The following IGF1 variants were observed in gnomAD, a reference collection of about 807,000 sequenced individuals.
IGF1 encodes the protein insulin-like growth factor 1.
Under a neutral mutation model 13.8 loss-of-function variants are expected in IGF1, and 4 were observed. The ratio of observed to expected loss-of-function variants is 0.29; its 90% CI spans 0.14 to 0.66. IGF1 has a LOEUF of 0.66. Among genes scored for constraint, IGF1 ranks in the 30% least tolerant of loss-of-function variants. The pLI, the probability that IGF1 is intolerant of heterozygous loss-of-function variation, is 0.78. For missense variants in IGF1, 124 were observed against 188.5 expected, an observed-to-expected ratio of 0.66 and a Z score of 2.00; for synonymous variants, 76 against 72.6, an observed-to-expected ratio of 1.05 and a Z score of -0.23.
chr12:102,478,468 G>C, intron 1 of IGF1: 2 of 1,581,862 alleles, frequency 1.3e-6, no homozygotes, highest in Non-Finnish European at 1.7e-6. Flanking sequence ...GAGGGCAACA[G>C]TCATAAGAAA....
chr12:102,441,879 C>G (rs1233768670), intron 2 of IGF1, among the ~76,000 whole-genome samples: 1 of 108,890 alleles, frequency 9.2e-6, no homozygotes, highest in Non-Finnish European at 2.0e-5. Flanking sequence ...TCAAGACTTT[C>G]TGAGCACTAA....
At chr12:102,409,105 G>C (rs925946630) in intron 3 of IGF1, among the ~76,000 whole-genome samples, 1 of 152,138 alleles carries the variant, frequency 6.6e-6, no homozygotes, top group Admixed American at 6.6e-5. Context: ...TGAAAGTGTG[G>C]GGTAAGAGCA....
intron 2 of IGF1, among the ~76,000 whole-genome samples, chr12:102,457,896 G>A (rs771102666): frequency 1.3e-5 from 2 of 152,156 alleles, no homozygotes; most frequent in African/African-American, 4.8e-5. Flanking sequence ...ATGAACGTTA[G>A]TTTTCTGCTC....
rs1233394486 is a variant in IGF1, at chr12:102,399,302, C to T, written c.*3205G>A. 1 of 152,472 alleles carries T rather than the reference C, an allele frequency of 6.6e-6. No individual in the cohort carries two copies. Among genetic ancestry groups the T allele is most frequent in the Non-Finnish European group, 1.5e-5 (1 of 67,988 alleles). The allele number at this position is 152,472 out of a possible 1,614,324, so 9.4% of individuals were successfully genotyped here. On this transcript the variant is annotated 3_prime_UTR_variant, in exon 4 of 4. Transcript: ENST00000337514. ...TGGGGAAGAGAGAACAGAAATTTGA[C>T]CTAAGTATCCAGTATGGTCAATTAA...
At chr12:102,445,416 G>A (rs531181722) in intron 2 of IGF1, among the ~76,000 whole-genome samples, 2 of 152,288 alleles carry the variant, frequency 1.3e-5, no homozygotes, top group East Asian at 3.9e-4. Flanking sequence ...ATTACCTTGA[G>A]CAGTGGTTTG....
chr12:102,444,105 G>A (rs747402037), intron 2 of IGF1, among the ~76,000 whole-genome samples: 30 of 151,988 alleles, frequency 2.0e-4, no homozygotes, highest in Non-Finnish European at 3.2e-4. Context: ...GAGATTACAG[G>A]CATGAGCCAC....
At chr12:102,441,319 A>C (rs1047690787) in intron 2 of IGF1, among the ~76,000 whole-genome samples, 3 of 151,768 alleles carry the variant, frequency 2.0e-5, no homozygotes, top group Admixed American at 1.3e-4. Flanking sequence ...ACTCCTTTCT[A>C]CTCCTTTAAC....
At chr12:102,450,722 A>C (rs368257113) in intron 2 of IGF1, among the ~76,000 whole-genome samples, 1 of 152,226 alleles carries the variant, frequency 6.6e-6, no homozygotes, top group Non-Finnish European at 1.5e-5. Context: ...CAATATCTAC[A>C]TGCTGTTTGT....
At position 102,397,180 on chromosome 12, in the gene IGF1, G is replaced by A; in HGVS notation, c.*5327C>T. The A allele has an allele frequency of 4.3e-6, 1 of 233,432 alleles. No individual in the cohort carries two copies. Among genetic ancestry groups the A allele is most frequent in the Admixed American group, 5.6e-5 (1 of 17,792 alleles). 14.5% of individuals were successfully genotyped at this position (233,432 alleles called of 1,614,324 possible). ...TCATGCCACTGCACTCCAGCCTGGG[G>A]GACAGTGCGAGACCCCATCTCACAA... On this transcript the variant is annotated 3_prime_UTR_variant, in exon 4 of 4. Coordinates refer to ENST00000337514, the MANE Select transcript of IGF1 (RefSeq NM_000618.5).
chr12:102,417,421 A>G (rs546777313), intron 3 of IGF1: 7 of 459,918 alleles, frequency 1.5e-5, no homozygotes, highest in Non-Finnish European at 2.0e-5. Flanking sequence ...AACTCTGAAC[A>G]TATATTGACA....
intron 2 of IGF1, among the ~76,000 whole-genome samples, chr12:102,448,653 A>G (rs1878581109): frequency 6.8e-6 from 1 of 146,720 alleles, no homozygotes; most frequent in East Asian, 2.0e-4. Context: ...ACTAACTTGC[A>G]CAATGTGCAC....
chr12:102,471,596 G>A (rs557144029), intron 2 of IGF1, among the ~76,000 whole-genome samples: 1 of 152,272 alleles, frequency 6.6e-6, no homozygotes, highest in African/African-American at 2.4e-5. Flanking sequence ...ATTCAGACCT[G>A]TTCTTAATAA....
intron 2 of IGF1, among the ~76,000 whole-genome samples, chr12:102,421,963 C>A (rs1054050448): frequency 6.6e-6 from 1 of 152,070 alleles, no homozygotes; most frequent in Non-Finnish European, 1.5e-5. Flanking sequence ...TGTAAACAAC[C>A]ATGAAACTCA....
chr12:102,454,016 A>G (rs1292951916), intron 2 of IGF1, among the ~76,000 whole-genome samples: 1 of 152,226 alleles, frequency 6.6e-6, no homozygotes, highest in Admixed American at 6.5e-5. Context: ...TAATTCTTCA[A>G]TATAGATGTG....
At chr12:102,413,014 C>G (rs1278950026) in intron 3 of IGF1, among the ~76,000 whole-genome samples, 1 of 152,182 alleles carries the variant, frequency 6.6e-6, no homozygotes, top group Admixed American at 6.5e-5. Flanking sequence ...CCTTGCAGGT[C>G]TGGAAGTTTT....
chr12:102,444,118 C>A (rs771141035), intron 2 of IGF1, among the ~76,000 whole-genome samples: 1 of 152,024 alleles, frequency 6.6e-6, no homozygotes, highest in Non-Finnish European at 1.5e-5. Context: ...TGAGCCACCA[C>A]GCCCGGCTGA....
At chr12:102,440,657 G>A (rs995316130) in intron 2 of IGF1, among the ~76,000 whole-genome samples, 1 of 152,086 alleles carries the variant, frequency 6.6e-6, no homozygotes, top group Non-Finnish European at 1.5e-5. Flanking sequence ...TGGACTGCAG[G>A]TGAAAAAATG....
At chr12:102,433,507 A>G (rs2137058818) in intron 2 of IGF1, among the ~76,000 whole-genome samples, 1 of 152,346 alleles carries the variant, frequency 6.6e-6, no homozygotes, top group African/African-American at 2.4e-5. Flanking sequence ...CCTCATTCCC[A>G]TTAACCTTCT....
chr12:102,466,013 TC>T (rs1380380621), intron 2 of IGF1, among the ~76,000 whole-genome samples: 12 of 152,066 alleles, frequency 7.9e-5, no homozygotes, highest in African/African-American at 2.9e-4. Flanking sequence ...TTTAATTTGC[TC>T]CAGGTGGTCT....
Sources: gnomAD v4.1 joint callset for allele counts (sites outside exome capture counted in the v4.1 genomes callset) on GRCh38, gnomAD v4.1.1 for gene constraint, MANE v1.5 for transcripts, NCBI Gene and HGNC (gene_info 2026-07-23, HGNC 2026-07-21) for gene names.